LIPJ: variants seen among roughly 807,000 people sequenced by gnomAD.
LIPJ encodes the protein lipase member J.
LIPJ carries 33 observed loss-of-function variants against 39.8 expected under a neutral mutation model. The observed-to-expected ratio is 0.83, with a 90% CI of 0.63 to 1.11. The LOEUF (loss-of-function observed/expected upper bound fraction) is 1.11. Ranked by LOEUF, LIPJ falls within the 50% of genes least tolerant of loss-of-function variation. The pLI is 0.00. For missense variants in LIPJ, 422 were observed against 427.9 expected, an observed-to-expected ratio of 0.99 and a Z score of 0.12; for synonymous variants, 128 against 139.2, an observed-to-expected ratio of 0.92 and a Z score of 0.57.
At chr10:88,607,030 T>C (rs1465471491), downstream of LIPJ, 5 of 1,134,246 alleles carry the variant, frequency 4.4e-6, no homozygotes, top group Non-Finnish European at 5.8e-6. Context: ...TTCCTCTATA[T>C]TCTCATTGAC....
At chr10:88,595,723 TAATC>T (rs1189487506) in intron 6 of LIPJ, among the ~76,000 whole-genome samples, 2 of 151,520 alleles carry the variant, frequency 1.3e-5, no homozygotes, top group Non-Finnish European at 3.0e-5. Flanking sequence ...AATAAATAAA[TAATC>T]AATCAGAATA....
chr10:88,616,074 A>C, the LIPJ span, among the ~76,000 whole-genome samples: 2 of 152,170 alleles, frequency 1.3e-5, no homozygotes, highest in African/African-American at 2.4e-5. Context: ...ACAAGCAAAA[A>C]CAATAAAATG....
upstream of LIPJ, chr10:88,583,163 C>G: frequency 6.2e-7 from 1 of 1,614,042 alleles, no homozygotes; most frequent in Non-Finnish European, 8.5e-7. Flanking sequence ...CCTGTCATCC[C>G]GGCGCCCACG....
chr10:88,588,244 G>T (rs1850972675), intron 2 of LIPJ, among the ~76,000 whole-genome samples: 1 of 151,718 alleles, frequency 6.6e-6, no homozygotes, highest in Non-Finnish European at 1.5e-5. Context: ...ATTAGACTTT[G>T]AAGTAAAAAC....
intron 2 of LIPJ, among the ~76,000 whole-genome samples, chr10:88,589,952 G>A (rs532961568): frequency 1.3e-5 from 2 of 151,772 alleles, no homozygotes; most frequent in African/African-American, 4.8e-5. Flanking sequence ...GTCCTTCTGA[G>A]TATAGTGGTT....
chr10:88,605,552 T>C, intron 9 of LIPJ, 81 bp from the exon 10 acceptor site: 4 of 873,040 alleles, frequency 4.6e-6, no homozygotes, highest in Non-Finnish European at 7.7e-6. Flanking sequence ...AATGGGGGTA[T>C]ATATGCATTG....
At chr10:88,586,958 A>G (rs1850934029) in intron 1 of LIPJ, 113 bp downstream of exon 1, 1 of 152,154 alleles carries the variant, frequency 6.6e-6, no homozygotes, top group Non-Finnish European at 1.5e-5. Context: ...TTGCTTCTAT[A>G]TTTGAACTCC....
upstream of LIPJ, among the ~76,000 whole-genome samples, chr10:88,586,507 C>G (rs1850924400): frequency 6.6e-6 from 1 of 152,126 alleles, no homozygotes; most frequent in Non-Finnish European, 1.5e-5. Context: ...AGCTTAAAAG[C>G]CACCTAAAAG....
intron 6 of LIPJ, among the ~76,000 whole-genome samples, chr10:88,594,981 A>G (rs553395660): frequency 6.6e-6 from 1 of 151,930 alleles, no homozygotes. Context: ...ATTGATTGTA[A>G]AGACAAGGTT....
At chr10:88,588,594 G>T (rs1423285005) in intron 2 of LIPJ, among the ~76,000 whole-genome samples, 3 of 151,766 alleles carry the variant, frequency 2.0e-5, no homozygotes, top group Non-Finnish European at 4.4e-5. Flanking sequence ...ACGTCATCCT[G>T]CCATTTTCTT....
At chr10:88,597,039 A>G in intron 8 of LIPJ, 103 bp downstream of exon 8, 1 of 647,102 alleles carries the variant, frequency 1.5e-6, no homozygotes, top group Non-Finnish European at 2.6e-6. Context: ...TGTTTCATCC[A>G]CATACACTAG....
At chr10:88,600,065 A>T (rs1483542902) in intron 8 of LIPJ, among the ~76,000 whole-genome samples, 1 of 151,734 alleles carries the variant, frequency 6.6e-6, no homozygotes, top group Non-Finnish European at 1.5e-5. Context: ...AATATTTTTT[A>T]TTATTCTCTT....
chr10:88,598,162 T>G (rs1419499619), intron 8 of LIPJ, among the ~76,000 whole-genome samples: 1 of 151,962 alleles, frequency 6.6e-6, no homozygotes, highest in Non-Finnish European at 1.5e-5. Flanking sequence ...GAAACTGTGG[T>G]TCAGCTTGAA....
At chr10:88,609,130 C>A (rs1178962210), downstream of LIPJ, among the ~76,000 whole-genome samples, 3 of 152,114 alleles carry the variant, frequency 2.0e-5, no homozygotes, top group African/African-American at 7.2e-5. Flanking sequence ...GCATTTTGTC[C>A]AATTCTTTGT....
At chr10:88,610,991 G>A (rs942129353), downstream of LIPJ, among the ~76,000 whole-genome samples, 2 of 152,070 alleles carry the variant, frequency 1.3e-5, no homozygotes, top group Non-Finnish European at 2.9e-5. Flanking sequence ...CAGAAAAACC[G>A]AAGATCCTCA....
chr10:88,586,144 C>T (rs543761770), upstream of LIPJ, among the ~76,000 whole-genome samples: 23 of 152,236 alleles, frequency 1.5e-4, no homozygotes, highest in South Asian at 3.7e-3. Context: ...TATGATCATA[C>T]GCTCTTTCAA....
At chr10:88,590,831 T>C (rs1173407206) in intron 3 of LIPJ, 135 bp downstream of exon 3, 1 of 615,124 alleles carries the variant, frequency 1.6e-6, no homozygotes, top group African/African-American at 1.9e-5. Context: ...TGCTATTCTA[T>C]AGCTTAGTTT....
At chr10:88,599,248 C>T (rs79909761) in intron 8 of LIPJ, among the ~76,000 whole-genome samples, 2,927 of 151,730 alleles carry the variant, frequency 0.019, 73 homozygotes, top group South Asian at 0.085. Flanking sequence ...ACACATCTAT[C>T]ACCTCACATA....
the LIPJ span, among the ~76,000 whole-genome samples, chr10:88,614,777 C>A: frequency 6.6e-6 from 1 of 151,972 alleles, no homozygotes; most frequent in Non-Finnish European, 1.5e-5. Context: ...AGGATTTACC[C>A]TATTAAATAT....
Sources: allele counts gnomAD v4.1 joint callset (sites outside exome capture counted in the v4.1 genomes callset), GRCh38; gene constraint gnomAD v4.1.1; transcripts MANE v1.5; gene names NCBI Gene and HGNC (gene_info 2026-07-23, HGNC 2026-07-21).